The following SKAP1 variants were observed in gnomAD, a reference collection of about 807,000 sequenced individuals.
The protein encoded by SKAP1 is src kinase-associated phosphoprotein 1.
Under a neutral mutation model 58.5 loss-of-function variants are expected in SKAP1, and 44 were observed. The ratio of observed to expected loss-of-function variants is 0.75; its 90% CI spans 0.59 to 0.97. SKAP1 has a LOEUF of 0.97. Among genes scored for constraint, SKAP1 ranks in the 50% least tolerant of loss-of-function variants. The pLI, the probability that SKAP1 is intolerant of heterozygous loss-of-function variation, is 0.00. For synonymous variants in SKAP1, 127 were observed against 149.7 expected (o/e 0.85, Z 1.11); for missense variants, 390 against 435.2 (o/e 0.90, Z 0.92).
chr17:48,441,137 C>A, the SKAP1 span, among the ~76,000 whole-genome samples: 17 of 152,100 alleles, frequency 1.1e-4, no homozygotes, highest in Non-Finnish European at 1.2e-4. Flanking sequence ...AACAAACAAA[C>A]AAAAAAAGAT....
intron 4 of SKAP1, among the ~76,000 whole-genome samples, chr17:48,345,426 T>C (rs1404399461): frequency 1.3e-5 from 2 of 152,164 alleles, no homozygotes; most frequent in African/African-American, 4.8e-5. Context: ...ACCAATATGG[T>C]CAGGGGTATG....
chr17:48,380,851 G>A (rs1258596861), intron 2 of SKAP1, among the ~76,000 whole-genome samples: 1 of 152,146 alleles, frequency 6.6e-6, no homozygotes, highest in Non-Finnish European at 1.5e-5. Flanking sequence ...TAACAGATCT[G>A]AAAATTTGTG....
At chr17:48,174,505 C>T (rs1722096642) in intron 9 of SKAP1, among the ~76,000 whole-genome samples, 2 of 152,160 alleles carry the variant, frequency 1.3e-5, no homozygotes, top group African/African-American at 2.4e-5. Context: ...GAACAGGTGT[C>T]TTTGCAACCC....
intron 3 of SKAP1, among the ~76,000 whole-genome samples, chr17:48,347,693 A>G (rs1282182029): frequency 6.6e-6 from 1 of 152,210 alleles, no homozygotes; most frequent in African/African-American, 2.4e-5. Context: ...CAGTATACAA[A>G]GTTTATAGCT....
At chr17:48,156,004 G>A (rs1395410431) in intron 11 of SKAP1, among the ~76,000 whole-genome samples, 1 of 152,204 alleles carries the variant, frequency 6.6e-6, no homozygotes, top group African/African-American at 2.4e-5. Flanking sequence ...TGCCCAGGCC[G>A]AATGGATTTT....
At chr17:48,365,495 C>T (rs2066990344) in intron 2 of SKAP1, among the ~76,000 whole-genome samples, 1 of 152,142 alleles carries the variant, frequency 6.6e-6, no homozygotes, top group Non-Finnish European at 1.5e-5. Context: ...TTTCCATCAG[C>T]ATTTATGCTC....
intron 2 of SKAP1, among the ~76,000 whole-genome samples, chr17:48,395,006 A>G (rs1267463860): frequency 6.6e-6 from 1 of 152,208 alleles, no homozygotes; most frequent in Non-Finnish European, 1.5e-5. Flanking sequence ...TCCCATCAAC[A>G]ATGCAGATAT....
chr17:48,248,234 G>A (rs1291297596), intron 4 of SKAP1, among the ~76,000 whole-genome samples: 1 of 152,122 alleles, frequency 6.6e-6, no homozygotes, highest in African/African-American at 2.4e-5. Context: ...TCTTCACCAA[G>A]TAATTATTAT....
intron 2 of SKAP1, among the ~76,000 whole-genome samples, chr17:48,391,074 A>G (rs527354000): frequency 6.6e-6 from 1 of 152,288 alleles, no homozygotes; most frequent in East Asian, 1.9e-4. Flanking sequence ...TGTCTCAAAA[A>G]AACAAAAAAC....
chr17:48,433,986 G>A (rs1055404459), upstream of SKAP1, among the ~76,000 whole-genome samples: 3 of 152,220 alleles, frequency 2.0e-5, no homozygotes, highest in East Asian at 5.8e-4. Context: ...GGAGCTGGCT[G>A]GCACCGCTCT....
chr17:48,281,376 T>A (rs2065764954), intron 4 of SKAP1, among the ~76,000 whole-genome samples: 1 of 152,154 alleles, frequency 6.6e-6, no homozygotes, highest in Admixed American at 6.5e-5. Context: ...TAAGAAACCA[T>A]GAAGCTCTTT....
rs75454710 is a variant in SKAP1 at position 48,312,489 on chromosome 17, A to C, written c.280+33416T>G. Among the ~76,000 whole-genome samples, 7 of 152,356 alleles carry C rather than the reference A, an allele frequency of 4.6e-5. No homozygotes were observed. In the East Asian group the frequency reaches 1.4e-3, roughly 29 times the overall value. ...TCTCCTCAGCAAGGGTTTCTATAACACTATGTGAAACTATGTTCTTATTGT... is the reference window on the plus strand; with the variant it reads ...TCTCCTCAGCAAGGGTTTCTATAACCCTATGTGAAACTATGTTCTTATTGT... On this transcript the variant is annotated intron_variant, in intron 4 of 12. Transcript: ENST00000336915.
chr17:48,190,054 G>T (rs1298610475), intron 4 of SKAP1, among the ~76,000 whole-genome samples: 1 of 151,776 alleles, frequency 6.6e-6, no homozygotes, highest in Non-Finnish European at 1.5e-5. Flanking sequence ...TTGTAGTAAG[G>T]TGAGGTAGCG....
chr17:48,197,018 G>A (rs1432173663), intron 4 of SKAP1, among the ~76,000 whole-genome samples: 4 of 152,216 alleles, frequency 2.6e-5, no homozygotes, highest in Admixed American at 2.6e-4. Flanking sequence ...CAGCACTTTG[G>A]GAGGCCGAGG....
intron 4 of SKAP1, among the ~76,000 whole-genome samples, chr17:48,271,281 T>A (rs1362570596): frequency 1.3e-5 from 2 of 151,644 alleles, no homozygotes; most frequent in African/African-American, 4.8e-5. Context: ...ACTATATATA[T>A]ATATTTATTT....
At chr17:48,195,344 T>C (rs1394862147) in intron 4 of SKAP1, among the ~76,000 whole-genome samples, 1 of 152,248 alleles carries the variant, frequency 6.6e-6, no homozygotes, top group East Asian at 1.9e-4. Flanking sequence ...TGACTATTCC[T>C]TGATTAGTCC....
At chr17:48,137,465 T>C in intron 11 of SKAP1, 128 bp from the exon 12 acceptor site, 1 of 565,408 alleles carries the variant, frequency 1.8e-6, no homozygotes, top group East Asian at 2.9e-5. Flanking sequence ...AACTGTTAAC[T>C]TCCCTGATGG....
chr17:48,422,697 G>C (rs921847075), intron 1 of SKAP1, among the ~76,000 whole-genome samples: 1 of 152,066 alleles, frequency 6.6e-6, no homozygotes, highest in African/African-American at 2.4e-5. Flanking sequence ...AAGAACTAAA[G>C]ACAATGCCTC....
intron 1 of SKAP1, among the ~76,000 whole-genome samples, chr17:48,422,813 G>A (rs539442832): frequency 3.9e-5 from 6 of 152,218 alleles, no homozygotes; most frequent in African/African-American, 1.2e-4. Flanking sequence ...CTTTATAGAC[G>A]TAATGAAAAT....
Sources: gnomAD v4.1 joint callset for allele counts (sites outside exome capture counted in the v4.1 genomes callset) on GRCh38, gnomAD v4.1.1 for gene constraint, MANE v1.5 for transcripts, NCBI Gene and HGNC (gene_info 2026-07-23, HGNC 2026-07-21) for gene names.